ADARB2: variants seen among roughly 807,000 people sequenced by gnomAD.
ADARB2 encodes inactive double-stranded RNA-specific editase B2.
Under a neutral mutation model 62.2 loss-of-function variants are expected in ADARB2, and 25 were observed. The observed-to-expected ratio is 0.40, with a 90% confidence interval of 0.29 to 0.56. The LOEUF is 0.56. Ranked by LOEUF, ADARB2 falls within the 20% of genes least tolerant of loss-of-function variation. ADARB2 has a pLI of 0.43. For synonymous variants in ADARB2, 572 were observed against 500.8 expected (o/e 1.14, Z -1.90); for missense variants, 1,071 against 1,077.4 (o/e 0.99, Z 0.08).
chr10:1,302,625 C>G (rs1345547580), intron 3 of ADARB2, among the ~76,000 whole-genome samples: 1 of 152,212 alleles, frequency 6.6e-6, no homozygotes, highest in Non-Finnish European at 1.5e-5. Flanking sequence ...CTTAAATGTC[C>G]CTGTCTGACA....
chr10:1,557,421 T>C (rs375611654), intron 1 of ADARB2, among the ~76,000 whole-genome samples: 3 of 151,428 alleles, frequency 2.0e-5, no homozygotes, highest in Non-Finnish European at 4.4e-5. Flanking sequence ...CCACCTGGAG[T>C]CGCCTAAAAT....
chr10:1,723,618 G>A (rs775934187), intron 1 of ADARB2, among the ~76,000 whole-genome samples: 2 of 152,150 alleles, frequency 1.3e-5, no homozygotes, highest in African/African-American at 2.4e-5. Context: ...AAGTGAGAAC[G>A]GTCCGCTTGC....
At chr10:1,709,965 A>G (rs1407380743) in intron 1 of ADARB2, among the ~76,000 whole-genome samples, 1 of 152,196 alleles carries the variant, frequency 6.6e-6, no homozygotes, top group East Asian at 1.9e-4. Context: ...AGTTGCTGCT[A>G]TTTCCTTCCT....
Position 1,482,636 on chromosome 10 carries a change from A to G in ADARB2, c.101-103476T>C, listed in dbSNP as rs139138952. ...CTGAGAAGGTGCTTAACATGATGGA[A>G]CTGTACACTAAAAAGTGGTAAATTT... On this transcript the variant is annotated intron_variant, in intron 1 of 9. Transcript: ENST00000381312. Among the ~76,000 whole-genome samples, 411 of 152,318 alleles carry G rather than the reference A, an allele frequency of 2.7e-3. 4 individuals carry two copies. The highest frequency in any genetic ancestry group is 9.3e-3 in the African/African-American group (386 of 41,560).
chr10:1,694,985 G>A (rs1238195866), intron 1 of ADARB2, among the ~76,000 whole-genome samples: 1 of 152,172 alleles, frequency 6.6e-6, no homozygotes, highest in Non-Finnish European at 1.5e-5. Flanking sequence ...GAGACCTTGC[G>A]ACTCGCCATG....
intron 1 of ADARB2, among the ~76,000 whole-genome samples, chr10:1,495,023 T>C (rs1394475732): frequency 6.6e-6 from 1 of 152,222 alleles, no homozygotes; most frequent in Non-Finnish European, 1.5e-5. Flanking sequence ...GCATAATTTA[T>C]ATATATGTTT....
At chr10:1,354,481 TG>T (rs1832175020) in intron 3 of ADARB2, among the ~76,000 whole-genome samples, 1 of 152,214 alleles carries the variant, frequency 6.6e-6, no homozygotes. Flanking sequence ...ATTCTCTTTT[TG>T]GACTCAGCCC....
chr10:1,576,842 C>T (rs536354047), intron 1 of ADARB2, among the ~76,000 whole-genome samples: 250 of 123,738 alleles, frequency 2.0e-3, no homozygotes, highest in African/African-American at 8.0e-3. Flanking sequence ...TCGTCAAGTG[C>T]GATTCAGTCT....
At chr10:1,591,797 G>A (rs1248884226) in intron 1 of ADARB2, among the ~76,000 whole-genome samples, 1 of 152,226 alleles carries the variant, frequency 6.6e-6, no homozygotes, top group African/African-American at 2.4e-5. Context: ...CCTTAGGGCA[G>A]GGACTTGGTT....
intron 1 of ADARB2, among the ~76,000 whole-genome samples, chr10:1,631,969 T>C (rs767389308): frequency 4.6e-5 from 7 of 152,164 alleles, no homozygotes; most frequent in Non-Finnish European, 8.8e-5. Flanking sequence ...GAGCTTGCCA[T>C]GCACTGCCTT....
chr10:1,499,872 A>T (rs756994190), intron 1 of ADARB2, among the ~76,000 whole-genome samples: 1 of 152,060 alleles, frequency 6.6e-6, no homozygotes, highest in Non-Finnish European at 1.5e-5. Context: ...TTCATCATTT[A>T]GTCATTACTC....
intron 1 of ADARB2, among the ~76,000 whole-genome samples, chr10:1,485,457 G>T (rs954996471): frequency 1.3e-5 from 2 of 152,096 alleles, no homozygotes; most frequent in African/African-American, 4.8e-5. Flanking sequence ...ATGGCAGCAT[G>T]TGGGGGGATA....
At chr10:1,421,909 A>T (rs965070198) in intron 1 of ADARB2, among the ~76,000 whole-genome samples, 3 of 152,214 alleles carry the variant, frequency 2.0e-5, no homozygotes, top group African/African-American at 7.2e-5. Context: ...AGAGCTATGT[A>T]CCCATTGCAT....
chr10:1,354,025 A>G (rs2131845630), intron 3 of ADARB2, among the ~76,000 whole-genome samples: 1 of 152,122 alleles, frequency 6.6e-6, no homozygotes, highest in South Asian at 2.1e-4. Context: ...ATTCCACAAT[A>G]TCACCCCTTA....
intron 7 of ADARB2, 140 bp downstream of exon 7, chr10:1,216,811 T>G: frequency 8.8e-7 from 1 of 1,134,438 alleles, no homozygotes; most frequent in Non-Finnish European, 1.2e-6. Flanking sequence ...GGCTGTGGAG[T>G]TCCACGGCTC....
At chr10:1,230,173 T>G (rs1252237434) in intron 6 of ADARB2, among the ~76,000 whole-genome samples, 2 of 152,134 alleles carry the variant, frequency 1.3e-5, no homozygotes, top group East Asian at 3.9e-4. Flanking sequence ...CTCTGCACTC[T>G]GCGGCCTCTG....
At chr10:1,261,384 A>C (rs1312744810) in intron 4 of ADARB2, among the ~76,000 whole-genome samples, 2 of 148,010 alleles carry the variant, frequency 1.4e-5, no homozygotes, top group Non-Finnish European at 3.0e-5. Context: ...AAATGGGAGA[A>C]AATTTTCGCA....
chr10:1,371,843 T>C (rs1024667075), intron 2 of ADARB2, among the ~76,000 whole-genome samples: 1 of 149,362 alleles, frequency 6.7e-6, no homozygotes, highest in Non-Finnish European at 1.5e-5. Context: ...GAAAAGGGGA[T>C]GCTTGTGCAC....
chr10:1,262,615 A>T (rs1329293454), intron 4 of ADARB2, among the ~76,000 whole-genome samples: 1 of 152,198 alleles, frequency 6.6e-6, no homozygotes, highest in African/African-American at 2.4e-5. Flanking sequence ...GGTGATCATT[A>T]AAAAGTCAGG....
Sources: gnomAD v4.1 joint callset for allele counts (sites outside exome capture counted in the v4.1 genomes callset) on GRCh38, gnomAD v4.1.1 for gene constraint, MANE v1.5 for transcripts, NCBI Gene and HGNC (gene_info 2026-07-23, HGNC 2026-07-21) for gene names.